CYP2A6: variants seen among roughly 807,000 people sequenced by gnomAD.
The protein encoded by CYP2A6 is cytochrome P450 2A6.
CYP2A6 carries 27 observed loss-of-function variants against 42.3 expected under a neutral mutation model. That is an observed-to-expected ratio of 0.64 (90% CI 0.47 to 0.88). CYP2A6 has a LOEUF of 0.88. CYP2A6 is among the 40% of genes least tolerant of loss of function. CYP2A6 has a pLI of 0.00. For synonymous variants in CYP2A6, 238 were observed against 246.3 expected, an observed-to-expected ratio of 0.97 and a Z score of 0.31; for missense variants, 628 against 646.0, an observed-to-expected ratio of 0.97 and a Z score of 0.30.
chr19:40,845,942 C>G lies in CYP2A6; in HGVS notation c.973+14G>C, dbSNP rs1374241097. 5 of 1,608,834 alleles carry G rather than the reference C, an allele frequency of 3.1e-6. No homozygotes were observed. The highest frequency in any genetic ancestry group is 4.2e-6 in the Non-Finnish European group (5 of 1,178,938). The stretch of plus-strand genomic sequence containing the variant: ...GGTCTGGGGCCCTCCACTTCCGTCC[C>G]CCTCCAGCCTTACCCTCCACCTCTG... On this transcript the variant is annotated intron_variant, in intron 6 of 8. Transcript: ENST00000301141.
intron 3 of CYP2A6, 105 bp from the exon 4 acceptor site, chr19:40,848,484 G>C: frequency 6.3e-7 from 1 of 1,582,908 alleles, no homozygotes. Context: ...AATTCCCAGC[G>C]CCAGACTCCA....
In CYP2A6 at chr19:40,850,285, G is replaced by T; in HGVS notation, c.142C>A (p.Gln48Lys). ...TTGTACATCTGCTCTGTGTTCAGCT[G>T]CAGGTAGTTTCCAATGAAGGGCAAT... ...TPLPFIGNYL[Q>K]LNTEQMYNSL... Residue 48 changes from glutamine (Q) to lysine (K), a missense_variant, in exon 1 of 9, where the codon CAG becomes AAG. By Grantham distance (53) the Gln-to-Lys change is moderately conservative. Transcript: ENST00000301141. The T allele has an allele frequency of 1.2e-6, 2 of 1,610,124 alleles. No individual in the cohort carries two copies. The highest frequency in any genetic ancestry group is 1.7e-6 in the Non-Finnish European group (2 of 1,178,798).
Position 40,849,213 on chromosome 19 carries a change from AGT to A in CYP2A6, c.344-452_344-451del, listed in dbSNP as rs1599780503. ...GGGAAGGAAGTGGGGAGAGAAAGAG[AGT>A]GATGGAGGAAGAGGATGGAGGGAGG... On this transcript the variant is annotated intron_variant, in intron 2 of 8. Coordinates refer to ENST00000301141, the MANE Select transcript of CYP2A6 (RefSeq NM_000762.6). Among the ~76,000 whole-genome samples the A allele has an allele frequency of 2.7e-5, 4 of 150,286 alleles. 1 individual carries two copies. The East Asian group carries it at 8.3e-4, about 31-fold the overall frequency.
In CYP2A6 at chr19:40,846,884, G is replaced by T. The variant is rs58062848; in HGVS notation, c.822C>A (p.Arg274=). 2.2e-5 allele frequency: 35 copies of T among 1,612,000 alleles called. 1 individual carries two copies. The African/African-American group carries it at 3.3e-4, about 15-fold the overall frequency. Residue 274 remains arginine (R), a synonymous_variant, in exon 5 of 9, where the codon CGC becomes CGA. Coordinates refer to ENST00000301141, the MANE Select transcript of CYP2A6 (RefSeq NM_000762.6). The part of the protein sequence containing the change: ...PRDFIDSFLI[R]MQEEEKNPNT... ...GGCTGCTGGGGTGTACCTCCTGCAT[G>T]CGGATGAGAAAGGAGTCAATGAAGT... is the stretch of plus-strand genomic sequence containing the variant.
chr19:40,844,420 C>G (rs1055402462), intron 8 of CYP2A6, among the ~76,000 whole-genome samples: 2 of 151,356 alleles, frequency 1.3e-5, no homozygotes, highest in Admixed American at 1.3e-4. Context: ...AGAAATACAT[C>G]TACGGGGAAA....
chr19:40,849,030 G>C (rs1967167043), intron 2 of CYP2A6, among the ~76,000 whole-genome samples: 1 of 42,528 alleles, frequency 2.4e-5, no homozygotes, highest in African/African-American at 7.3e-5. Context: ...AGGAGAGAGA[G>C]AGAGAAGAGA....
In CYP2A6 at chr19:40,845,848, A is replaced by G. The variant is rs1037563391; in HGVS notation, c.973+108T>C. ...AATGTTGCCCTGTCTCTGGACAGCA[A>G]GTCACGTCTCAGGGTCCCGGGATCT... On this transcript the variant is annotated intron_variant, in intron 6 of 8. Coordinates refer to ENST00000301141, the MANE Select transcript of CYP2A6 (RefSeq NM_000762.6). 1.3e-5 allele frequency: 19 copies of G among 1,504,376 alleles called. 1 individual carries two copies. In the African/African-American group the frequency reaches 2.4e-4, roughly 19 times the overall value. The allele number at this position is 1,504,376 out of a possible 1,614,324, so 93.2% of individuals were successfully genotyped here.
chr19:40,843,781 C>T lies in CYP2A6; in HGVS notation c.*15G>A, dbSNP rs773644130. ...CTGGCCCCGCCCACCAGACCTGCAC[C>T]GGCACAGCCCTCGCTCAGCGGGGCA... On this transcript the variant is annotated 3_prime_UTR_variant, in exon 9 of 9. Transcript: ENST00000301141. 8.8e-6 allele frequency: 14 copies of T among 1,596,862 alleles called. No individual in the cohort carries two copies. Among genetic ancestry groups the T allele is most frequent in the Middle Eastern group, 1.7e-4 (1 of 6,054 alleles).
At chr19:40,849,656 G>T (rs1346630743) in intron 2 of CYP2A6, among the ~76,000 whole-genome samples, 162 bp downstream of exon 2, 2 of 151,344 alleles carry the variant, frequency 1.3e-5, no homozygotes, top group African/African-American at 4.9e-5. Context: ...GACAGGTGAG[G>T]GATACACATG....
chr19:40,846,636 G>A lies in CYP2A6; in HGVS notation c.831+239C>T, dbSNP rs1967106301. Among the ~76,000 whole-genome samples the A allele has an allele frequency of 1.3e-5, 2 of 151,494 alleles. 1 individual carries two copies. The highest frequency in any genetic ancestry group is 4.2e-4 in the South Asian group (2 of 4,794). On this transcript the variant is annotated intron_variant, in intron 5 of 8. Coordinates refer to ENST00000301141, the MANE Select transcript of CYP2A6 (RefSeq NM_000762.6). ...AACTAATTTTTGGATTTTTAGTAGAGACGGGGTTTGACCATGTTGGCCAGG... is the reference window on the plus strand; with the variant it reads ...AACTAATTTTTGGATTTTTAGTAGAAACGGGGTTTGACCATGTTGGCCAGG...
Position 40,849,086 on chromosome 19 carries a change from G to GAGAGA in CYP2A6, c.344-324_344-323insTCTCT. On this transcript the variant is annotated intron_variant, in intron 2 of 8. Coordinates refer to ENST00000301141, the MANE Select transcript of CYP2A6 (RefSeq NM_000762.6). ...AGAGAGAGAGAGAGAGAGAGAGAGAGAGACCAGGTTTAAAGAATAAGACAA... is the reference window on the plus strand; with the variant it reads ...AGAGAGAGAGAGAGAGAGAGAGAGAGAGAGAAGACCAGGTTTAAAGAATAAGACAA... 2.1e-5 allele frequency among the ~76,000 whole-genome samples: 3 copies of GAGAGA among 145,184 alleles called. 1 individual carries two copies. The Admixed American group carries it at 2.1e-4, about 10-fold the overall frequency.
At chr19:40,849,769 G>C in intron 2 of CYP2A6, 49 bp downstream of exon 2, 1 of 1,606,058 alleles carries the variant, frequency 6.2e-7, no homozygotes, top group Non-Finnish European at 8.5e-7. Context: ...GGAACACTGA[G>C]ACCTTCGTGT....
intron 7 of CYP2A6, 169 bp downstream of exon 7, chr19:40,845,125 A>G: frequency 1.3e-6 from 1 of 780,764 alleles, no homozygotes. Context: ...TGCAGGACTC[A>G]GGAGTGTCTA....
rs201792681 is a variant in CYP2A6, at chr19:40,847,095, C to T, written c.655-44G>A. 596 of 1,597,640 alleles carry T rather than the reference C, an allele frequency of 3.7e-4. 64 individuals carry two copies. In the East Asian group the frequency reaches 9.9e-3, roughly 27 times the overall value. On this transcript the variant is annotated intron_variant, in intron 4 of 8. Transcript: ENST00000301141. ...GATGGGAAGGGAAGGACAGCTGTCA[C>T]GGGGCAGGAGCTGATGGGAATGGGA...
chr19:40,846,019 C>T lies in CYP2A6; in HGVS notation c.910G>A (p.Glu304Lys), dbSNP rs773401076. 2.2e-5 allele frequency: 36 copies of T among 1,611,422 alleles called. No homozygotes were observed. Among genetic ancestry groups the T allele is most frequent in the Non-Finnish European group, 2.6e-5 (31 of 1,179,856 alleles). The part of the protein sequence containing the change: ...TTLNLFIGGT[E>K]TVSTTLRYGF... Reference sequence around the variant, plus strand: ...TAGCGCAGGGTGGTGCTGACGGTCTCGGTGCCCCCAATGAAGAGGTTCAAC... The same window carrying T: ...TAGCGCAGGGTGGTGCTGACGGTCTTGGTGCCCCCAATGAAGAGGTTCAAC... Residue 304 changes from glutamate to lysine, a missense_variant, in exon 6 of 9, where the codon GAG becomes AAG. Physicochemically the swap from Glu to Lys is moderately conservative, Grantham distance 56. Coordinates refer to ENST00000301141, the MANE Select transcript of CYP2A6 (RefSeq NM_000762.6).
chr19:40,846,176 C>T, intron 5 of CYP2A6, 79 bp from the exon 6 acceptor site: 1 of 1,576,454 alleles, frequency 6.3e-7, no homozygotes, highest in Non-Finnish European at 8.6e-7. Flanking sequence ...TTTGGATCTA[C>T]CTCTCTTTGG....
rs571687041 is a variant in CYP2A6, at chr19:40,849,400, G to A, written c.343+418C>T. On this transcript the variant is annotated intron_variant, in intron 2 of 8. Transcript: ENST00000301141. ...GATGGAGGCTGAAGATGTGGAAGTA[G>A]GAATACCCTGAAATCCTAAGACAGA... Among the ~76,000 whole-genome samples, 15 of 151,574 alleles carry A rather than the reference G, an allele frequency of 9.9e-5. No individual in the cohort carries two copies. In the East Asian group the frequency reaches 1.0e-3, roughly 10 times the overall value.
rs1236110803 is a variant in CYP2A6 at position 40,845,414 on chromosome 19, G to C, written c.1041C>G (p.Ala347=). The C allele has an allele frequency of 3.7e-6, 6 of 1,611,798 alleles. No individual in the cohort carries two copies. The South Asian group carries it at 4.4e-5, about 12-fold the overall frequency. The change falls in exon 7 of 9, where the codon GCC becomes GCG. Residue 347 remains alanine (A), a synonymous_variant. Transcript: ENST00000301141. ...KNRQPKFEDR[A]KMPYMEAVIH... is the part of the protein sequence containing the mutation. ...TCACTGCCTCCATGTAGGGCATCTT[G>C]GCCCGGTCCTCAAACTTGGGCTGCC... is the stretch of plus-strand genomic sequence containing the variant.
rs373242426 is a variant in CYP2A6, at chr19:40,847,087, A to C, written c.655-36T>G. The C allele has an allele frequency of 6.4e-5, 103 of 1,603,068 alleles. No homozygotes were observed. The Middle Eastern group carries it at 1.7e-3, about 27-fold the overall frequency. On this transcript the variant is annotated intron_variant, in intron 4 of 8. Coordinates refer to ENST00000301141, the MANE Select transcript of CYP2A6 (RefSeq NM_000762.6). Reference sequence around the variant, plus strand: ...AGAGAGAGGATGGGAAGGGAAGGACAGCTGTCACGGGGCAGGAGCTGATGG... The same window carrying C: ...AGAGAGAGGATGGGAAGGGAAGGACCGCTGTCACGGGGCAGGAGCTGATGG...
Sources: gnomAD v4.1 joint callset for allele counts (sites outside exome capture counted in the v4.1 genomes callset) on GRCh38, gnomAD v4.1.1 for gene constraint, MANE v1.5 for transcripts, NCBI Gene and HGNC (gene_info 2026-07-23, HGNC 2026-07-21) for gene names.